Variants in FBXW11 observed in about 807,000 individuals in gnomAD.
FBXW11 encodes F-box and WD repeat domain containing 11, also known as F-box/WD repeat-containing protein 11.
A neutral mutation model predicts 77.6 loss-of-function variants in FBXW11; 19 were observed. The observed-to-expected ratio is 0.24, with a 90% CI of 0.17 to 0.36. The LOEUF (loss-of-function observed/expected upper bound fraction) is 0.36, where lower values mean the gene tolerates loss of function less well. Ranked by LOEUF, FBXW11 falls within the 10% of genes least tolerant of loss-of-function variation. The probability of loss-of-function intolerance (pLI) is 1.00; values close to 1 mark genes in which losing one functional copy is unlikely to be tolerated. For synonymous variants in FBXW11, 235 were observed against 249.4 expected, an observed-to-expected ratio of 0.94 and a Z score of 0.54; for missense variants, 334 against 704.2, an observed-to-expected ratio of 0.47 and a Z score of 5.95.
intron 2 of FBXW11, among the ~76,000 whole-genome samples, chr5:171,953,979 T>G (rs945562845): frequency 6.6e-6 from 1 of 152,228 alleles, no homozygotes; most frequent in Non-Finnish European, 1.5e-5. Context: ...CCCAGCACTA[T>G]ATGCACTAGA....
intron 1 of FBXW11, among the ~76,000 whole-genome samples, chr5:171,962,063 A>C (rs1248247153): frequency 1.3e-5 from 2 of 152,226 alleles, no homozygotes; most frequent in African/African-American, 4.8e-5. Context: ...AGAATAATGA[A>C]AAGATTTCTT....
chr5:171,920,556 T>C (rs1181402490), intron 2 of FBXW11, among the ~76,000 whole-genome samples: 4 of 151,856 alleles, frequency 2.6e-5, no homozygotes, highest in African/African-American at 7.3e-5. Context: ...TGAGACTCTA[T>C]CTCTTAAAAA....
intron 1 of FBXW11, among the ~76,000 whole-genome samples, chr5:172,004,866 T>TGCAC (rs1426163099): frequency 2.6e-5 from 2 of 77,582 alleles, no homozygotes; most frequent in African/African-American, 1.0e-4. Context: ...CAACCCCACG[T>TGCAC]GCACACACAC....
intron 7 of FBXW11, among the ~76,000 whole-genome samples, chr5:171,882,804 T>G (rs1406670849): frequency 1.3e-5 from 2 of 152,102 alleles, no homozygotes; most frequent in Admixed American, 6.5e-5. Flanking sequence ...ATTTTTTTAT[T>G]TTTCCATAAG....
At chr5:171,900,869 A>G (rs1760071134) in intron 4 of FBXW11, among the ~76,000 whole-genome samples, 1 of 152,048 alleles carries the variant, frequency 6.6e-6, no homozygotes, top group South Asian at 2.1e-4. Flanking sequence ...AAAGAAAACC[A>G]CTTTCAGCCT....
chr5:171,927,249 G>A (rs1443968061), intron 2 of FBXW11, among the ~76,000 whole-genome samples: 1 of 152,148 alleles, frequency 6.6e-6, no homozygotes, highest in Non-Finnish European at 1.5e-5. Flanking sequence ...ACTGATTTAT[G>A]GTGATGATGC....
At chr5:171,947,220 T>C (rs1763058678) in intron 2 of FBXW11, among the ~76,000 whole-genome samples, 2 of 152,212 alleles carry the variant, frequency 1.3e-5, no homozygotes, top group South Asian at 4.1e-4. Flanking sequence ...TAACACATAG[T>C]AAGAACATCA....
chr5:171,935,040 G>A (rs1000606311), intron 2 of FBXW11, among the ~76,000 whole-genome samples: 1 of 152,002 alleles, frequency 6.6e-6, no homozygotes, highest in African/African-American at 2.4e-5. Flanking sequence ...TGCAAGCTCC[G>A]CCTCCTGGGT....
intron 1 of FBXW11, among the ~76,000 whole-genome samples, chr5:171,969,677 G>A (rs1271172897): frequency 1.4e-4 from 22 of 152,110 alleles, no homozygotes; most frequent in Admixed American, 1.4e-3. Context: ...CTGCCTTCAA[G>A]AGTATTAAAA....
intron 2 of FBXW11, among the ~76,000 whole-genome samples, chr5:171,946,908 G>A (rs1442509530): frequency 4.1e-5 from 6 of 145,836 alleles, no homozygotes; most frequent in Admixed American, 1.4e-4. Context: ...TCCACCTCCC[G>A]GGTTCAAGCA....
At chr5:171,875,202 G>A (rs1027461542) in intron 9 of FBXW11, among the ~76,000 whole-genome samples, 4 of 151,218 alleles carry the variant, frequency 2.6e-5, no homozygotes, top group Non-Finnish European at 5.9e-5. Context: ...TTGAGCACAG[G>A]AGTCCAAGAC....
chr5:171,974,888 AG>A (rs1428184855), intron 1 of FBXW11, among the ~76,000 whole-genome samples: 1 of 152,178 alleles, frequency 6.6e-6, no homozygotes, highest in African/African-American at 2.4e-5. Context: ...TCAACCTCCC[AG>A]GTTCAAGTGA....
intron 1 of FBXW11, among the ~76,000 whole-genome samples, chr5:171,975,907 G>A (rs1244038756): frequency 1.3e-5 from 2 of 152,156 alleles, no homozygotes; most frequent in African/African-American, 4.8e-5. Flanking sequence ...GGAATTCTGG[G>A]ATCAGAAAGT....
At chr5:171,909,382 G>C (rs1444431382) in intron 4 of FBXW11, among the ~76,000 whole-genome samples, 2 of 152,196 alleles carry the variant, frequency 1.3e-5, no homozygotes, top group Non-Finnish European at 2.9e-5. Flanking sequence ...AAACCATTCT[G>C]TAGGAGACTC....
At chr5:171,919,127 T>C (rs1761430101) in intron 2 of FBXW11, among the ~76,000 whole-genome samples, 1 of 152,138 alleles carries the variant, frequency 6.6e-6, no homozygotes. Context: ...CTGCTTGCCA[T>C]TAAATTCATA....
intron 5 of FBXW11, 144 bp downstream of exon 5, chr5:171,899,770 T>A: frequency 1.5e-6 from 1 of 689,056 alleles, no homozygotes; most frequent in South Asian, 2.3e-5. Flanking sequence ...GCTTTAACTT[T>A]TTCTTCCAAC....
intron 2 of FBXW11, among the ~76,000 whole-genome samples, chr5:171,942,242 C>A (rs1762791255): frequency 6.6e-6 from 1 of 151,464 alleles, no homozygotes; most frequent in African/African-American, 2.4e-5. Flanking sequence ...CCAACTAATT[C>A]TCAGCCCTTA....
intron 1 of FBXW11, among the ~76,000 whole-genome samples, chr5:171,982,071 T>C (rs1333996383): frequency 1.3e-5 from 2 of 152,120 alleles, no homozygotes; most frequent in East Asian, 3.9e-4. Context: ...GACGGAAATG[T>C]TCCATATCTT....
chr5:171,978,173 GAA>G (rs5873293), intron 1 of FBXW11, among the ~76,000 whole-genome samples: 2 of 151,452 alleles, frequency 1.3e-5, no homozygotes, highest in African/African-American at 2.4e-5. Flanking sequence ...CAGAGAAAAA[GAA>G]AAAAAAATCA....
Sources: allele counts gnomAD v4.1 joint callset (sites outside exome capture counted in the v4.1 genomes callset), GRCh38; gene constraint gnomAD v4.1.1; transcripts MANE v1.5; gene names NCBI Gene and HGNC (gene_info 2026-07-23, HGNC 2026-07-21).